The following ITIH6 variants were observed in gnomAD, a reference collection of about 807,000 sequenced individuals.
The protein encoded by ITIH6 is inter-alpha-trypsin inhibitor heavy chain family member 6.
ITIH6 carries 60 observed loss-of-function variants against 58.2 expected under a neutral mutation model. The ratio of observed to expected loss-of-function variants is 1.03; its 90% CI spans 0.84 to 1.28. The LOEUF is 1.28. ITIH6 is among the 50% of genes most tolerant of loss of function. The pLI, the probability that ITIH6 is intolerant of heterozygous loss-of-function variation, is 0.00. For synonymous variants in ITIH6, 493 were observed against 417.4 expected, an observed-to-expected ratio of 1.18 and a Z score of -2.21; for missense variants, 1,290 against 1,021.1, an observed-to-expected ratio of 1.26 and a Z score of -3.59.
intron 11 of ITIH6, among the ~76,000 whole-genome samples, chrX:54,752,141 T>C (rs971512493): frequency 3.5e-4 from 39 of 111,554 alleles, no homozygotes; most frequent in African/African-American, 1.3e-3. Flanking sequence ...ATGAGGAGTC[T>C]TCAAAAAGTT....
rs1156939948 is a variant in ITIH6, at chrX:54,750,106, C to T, written c.3731G>A (p.Gly1244Glu). The T allele has an allele frequency of 5.9e-6, 7 of 1,195,077 alleles. No homozygotes were observed. The highest frequency in any genetic ancestry group is 7.9e-6 in the Non-Finnish European group (7 of 885,550). Residue 1244 changes from glycine (G) to glutamate (E), a missense_variant and splice_region_variant, in exon 13 of 13, where the codon GGG becomes GAG. By Grantham distance (98) the Gly-to-Glu change is moderately conservative. Transcript: ENST00000218436. ...TCGGATGTCTGCGTGCTGGAACTGCCCTGAGGGAGAGAGATGCAGTGCTAG... is the reference window on the plus strand; with the variant it reads ...TCGGATGTCTGCGTGCTGGAACTGCTCTGAGGGAGAGAGATGCAGTGCTAG... ...GLSPSARGLI[G>E]QFQHADIRLV...
intron 6 of ITIH6, among the ~76,000 whole-genome samples, chrX:54,773,529 T>C (rs1295953826): frequency 9.0e-6 from 1 of 111,252 alleles, no homozygotes; most frequent in East Asian, 2.8e-4. Context: ...TGCAGAACTT[T>C]ATGGATTCAG....
chrX:54,759,919 C>T lies in ITIH6; in HGVS notation c.912G>A (p.Thr304=), dbSNP rs1450565183. The change falls in exon 7 of 13, where the codon ACG becomes ACA. Residue 304 remains threonine (T), a synonymous_variant. Transcript: ENST00000218436. ...MFGTKMEQTK[T]AMNVILSDLQ... ...GGTCACTGAGGATCACATTCATGGC[C>T]GTTTTAGTCTGTGGGATATGGATGA... is the stretch of plus-strand genomic sequence containing the variant. 4 of 1,204,486 alleles carry T rather than the reference C, an allele frequency of 3.3e-6. No homozygotes were observed. Among genetic ancestry groups the T allele is most frequent in the East Asian group, 5.9e-5 (2 of 33,802 alleles).
chrX:54,753,683 T>C lies in ITIH6; in HGVS notation c.3320A>G (p.Asp1107Gly). The change falls in exon 11 of 13, where the codon GAC (aspartate) becomes GGC (glycine). Residue 1107 changes from aspartate to glycine, a missense_variant. Transcript: ENST00000218436. ...TGGGTCCTCTATGAGCTGCAGCAAG[T>C]CCCCAGGGTGCCCATTCAGTGTGAA... Reference protein sequence around the residue: ...ICFTLNGHPGDLLQLIEDPKA... With the variant: ...ICFTLNGHPGGLLQLIEDPKA... 1 of 1,210,874 alleles carries C rather than the reference T, an allele frequency of 8.3e-7. No individual in the cohort carries two copies. The highest frequency in any genetic ancestry group is 1.1e-6 in the Non-Finnish European group (1 of 894,917).
chrX:54,763,126 T>C (rs180675359), intron 6 of ITIH6, among the ~76,000 whole-genome samples: 8 of 112,032 alleles, frequency 7.1e-5, no homozygotes, highest in South Asian at 3.7e-4. Flanking sequence ...CAATCCTTTA[T>C]ATAGATATGG....
intron 6 of ITIH6, among the ~76,000 whole-genome samples, chrX:54,761,624 A>G (rs1467265490): frequency 1.8e-5 from 2 of 111,299 alleles, no homozygotes; most frequent in Non-Finnish European, 3.8e-5. Flanking sequence ...ATAAGGTGTA[A>G]GGAAGGGATC....
intron 6 of ITIH6, among the ~76,000 whole-genome samples, chrX:54,767,474 T>G (rs1351467381): frequency 9.9e-6 from 1 of 100,956 alleles, no homozygotes; most frequent in Non-Finnish European, 1.9e-5. Context: ...TTCTTTTAAT[T>G]GTGATGTTAG....
chrX:54,787,525 A>T (rs1312130539), intron 5 of ITIH6: 2 of 110,768 alleles, frequency 1.8e-5, no homozygotes, highest in Non-Finnish European at 3.8e-5. Context: ...GCTGTGTCCG[A>T]CTCACTTCTG....
intron 6 of ITIH6, among the ~76,000 whole-genome samples, chrX:54,772,699 T>C (rs939528619): frequency 2.7e-5 from 3 of 112,014 alleles, no homozygotes; most frequent in African/African-American, 9.7e-5. Context: ...AGGCATTTAG[T>C]GTGGGGTTTT....
At chrX:54,780,695 G>A (rs1220014648) in intron 5 of ITIH6, among the ~76,000 whole-genome samples, 4 of 108,462 alleles carry the variant, frequency 3.7e-5, no homozygotes, top group Non-Finnish European at 7.7e-5. Flanking sequence ...TTGAAGTGAC[G>A]AAAACAATAA....
intron 4 of ITIH6, among the ~76,000 whole-genome samples, 193 bp downstream of exon 4, chrX:54,790,644 C>T (rs1929327166): frequency 9.0e-6 from 1 of 111,631 alleles, no homozygotes; most frequent in African/African-American, 3.3e-5. Flanking sequence ...GTCATATAGC[C>T]TGTAAGGACC....
rs755528999 is a variant in ITIH6 at position 54,797,032 on chromosome X, G to A, written c.167C>T (p.Thr56Ile). Residue 56 changes from threonine to isoleucine, a missense_variant, in exon 2 of 13, where the codon ACC becomes ATC. Thr to Ile is a moderately conservative substitution (Grantham distance 89). Coordinates refer to ENST00000218436, the MANE Select transcript of ITIH6 (RefSeq NM_198510.3). ...AGCATGTGGATTAAACAGGACAGAG[G>A]TGACCAAGGTGTGGGCATAGCGAGA... ...VVSRYAHTLV[T>I]SVLFNPHAEA... 10 of 1,208,515 alleles carry A rather than the reference G, an allele frequency of 8.3e-6. No homozygotes were observed. In the East Asian group the frequency reaches 3.0e-4, roughly 36 times the overall value.
chrX:54,763,898 C>T (rs1928709949), intron 6 of ITIH6, among the ~76,000 whole-genome samples: 1 of 111,975 alleles, frequency 8.9e-6, no homozygotes, highest in Admixed American at 9.5e-5. Flanking sequence ...TGGAGAATTT[C>T]CCCTTTACCA....
chrX:54,757,750 G>T lies in ITIH6; in HGVS notation c.2324C>A (p.Thr775Asn). 1 of 1,209,880 alleles carries T rather than the reference G, an allele frequency of 8.3e-7. No individual in the cohort carries two copies. Among genetic ancestry groups the T allele is most frequent in the Non-Finnish European group, 1.1e-6 (1 of 895,242 alleles). ...PGIPASPKAD[T>N]VKCVTPLHSK... is the part of the protein sequence containing the mutation. ...ATGCAGTGGAGTAACACATTTCACAGTGTCAGCTTTGGGCGAGGCTGGGAT... is the reference window on the plus strand; with the variant it reads ...ATGCAGTGGAGTAACACATTTCACATTGTCAGCTTTGGGCGAGGCTGGGAT... Residue 775 changes from threonine (T) to asparagine (N), a missense_variant, in exon 8 of 13, where the codon ACT (threonine) becomes AAT (asparagine). Physicochemically the swap from Thr to Asn is moderately conservative, Grantham distance 65. Transcript: ENST00000218436.
chrX:54,778,195 C>CTTT (rs1333374493), intron 5 of ITIH6, among the ~76,000 whole-genome samples: 3 of 92,438 alleles, frequency 3.2e-5, no homozygotes, highest in African/African-American at 8.1e-5. Flanking sequence ...GCACCAGAGT[C>CTTT]TTTTTTTTTT....
At chrX:54,790,220 G>C (rs1429753160) in intron 4 of ITIH6, among the ~76,000 whole-genome samples, 2 of 105,862 alleles carry the variant, frequency 1.9e-5, no homozygotes. Context: ...CCTGAGACTG[G>C]TTGATGACAC....
chrX:54,770,935 A>AT (rs1204803528), intron 6 of ITIH6, among the ~76,000 whole-genome samples: 13 of 108,956 alleles, frequency 1.2e-4, no homozygotes, highest in South Asian at 7.8e-4. Context: ...GAAAGTCTTT[A>AT]TTTTTTTTTC....
chrX:54,794,774 C>T (rs1929411758), intron 2 of ITIH6, among the ~76,000 whole-genome samples: 1 of 111,249 alleles, frequency 9.0e-6, no homozygotes, highest in South Asian at 3.8e-4. Context: ...GGTGGATATT[C>T]TGCTTGTGCT....
chrX:54,757,669 G>C lies in ITIH6; in HGVS notation c.2405C>G (p.Pro802Arg). ...PQLGALTSQA[P>R]KGLPQSRPGV... ...AGGTCTTGACTGTGGCAGGCCTTTA[G>C]GTGCCTGTGATGTGAGTGCCCCAAG... Residue 802 changes from proline (P) to arginine (R), a missense_variant, in exon 8 of 13, where the codon CCT (proline) becomes CGT (arginine). Transcript: ENST00000218436. 8.3e-7 allele frequency: 1 copy of C among 1,211,271 alleles called. No individual in the cohort carries two copies. Among genetic ancestry groups the C allele is most frequent in the East Asian group, 3.0e-5 (1 of 33,833 alleles).
Sources: allele counts gnomAD v4.1 joint callset (sites outside exome capture counted in the v4.1 genomes callset), GRCh38; gene constraint gnomAD v4.1.1; transcripts MANE v1.5; gene names NCBI Gene and HGNC (gene_info 2026-07-23, HGNC 2026-07-21).